The following OR14I1 variants were observed in gnomAD, a reference collection of about 807,000 sequenced individuals.
OR14I1 encodes the protein olfactory receptor 14I1.
For synonymous variants in OR14I1, 118 were observed against 71.1 expected, an observed-to-expected ratio of 1.66 and a Z score of -3.32; for missense variants, 279 against 181.8, an observed-to-expected ratio of 1.53 and a Z score of -3.07.
chr1:248,683,889 G>A (rs539557082), upstream of OR14I1, among the ~76,000 whole-genome samples: 1 of 152,262 alleles, frequency 6.6e-6, no homozygotes, highest in African/African-American at 2.4e-5. Context: ...CAAAATAGCT[G>A]AGCGTGGTGG....
At chr1:248,688,389 T>C in the OR14I1 span, among the ~76,000 whole-genome samples, 5 of 152,254 alleles carry the variant, frequency 3.3e-5, no homozygotes, top group African/African-American at 4.8e-5. Context: ...GGGATGTAAA[T>C]TTCTCTTACA....
At chr1:248,684,045 C>A (rs2387771), upstream of OR14I1, among the ~76,000 whole-genome samples, 134,183 of 151,912 alleles carry the variant, frequency 0.88, 61,598 homozygotes, top group East Asian at 1. Flanking sequence ...AAAGGAAAAA[C>A]AAAAAGAATT....
chr1:248,689,641 C>A, the OR14I1 span, among the ~76,000 whole-genome samples: 1 of 152,042 alleles, frequency 6.6e-6, no homozygotes, highest in Non-Finnish European at 1.5e-5. Flanking sequence ...CTTCTAACAC[C>A]AAATAGTTAA....
chr1:248,701,013 G>A, the OR14I1 span, among the ~76,000 whole-genome samples: 1,053 of 152,204 alleles, frequency 6.9e-3, 7 homozygotes, highest in Middle Eastern at 0.034. Context: ...ATGTTTTCTC[G>A]TTGATGCTAC....
the OR14I1 span, among the ~76,000 whole-genome samples, chr1:248,687,705 G>A: frequency 1.3e-5 from 2 of 152,240 alleles, no homozygotes; most frequent in Non-Finnish European, 2.9e-5. Flanking sequence ...CTGCCCAGCA[G>A]TGTGAACAAG....
chr1:248,701,890 AAAG>A, the OR14I1 span, among the ~76,000 whole-genome samples: 4 of 152,322 alleles, frequency 2.6e-5, no homozygotes, highest in South Asian at 2.1e-4. Flanking sequence ...TTTATAAAGA[AAAG>A]AAGTTTAATT....
chr1:248,686,121 T>C (rs893679351), upstream of OR14I1, among the ~76,000 whole-genome samples: 3 of 152,182 alleles, frequency 2.0e-5, no homozygotes, highest in African/African-American at 7.2e-5. Context: ...CCGTAAAGCA[T>C]ATTGAATTAA....
chr1:248,693,894 CT>C, the OR14I1 span, among the ~76,000 whole-genome samples: 3,098 of 142,556 alleles, frequency 0.022, 114 homozygotes, highest in African/African-American at 0.077. Flanking sequence ...AAGTCCAGAA[CT>C]TTTTAAAAAA....
chr1:248,692,949 G>C, the OR14I1 span, among the ~76,000 whole-genome samples: 2 of 152,186 alleles, frequency 1.3e-5, no homozygotes, highest in Admixed American at 1.3e-4. Flanking sequence ...TGTGGGGAGA[G>C]AAAATGTTCA....
chr1:248,685,323 T>A (rs1661631954), upstream of OR14I1, among the ~76,000 whole-genome samples: 1 of 152,214 alleles, frequency 6.6e-6, no homozygotes, highest in Non-Finnish European at 1.5e-5. Flanking sequence ...GGGTTTTTGT[T>A]CTGACTTTTT....
the OR14I1 span, among the ~76,000 whole-genome samples, chr1:248,694,112 GAA>G: frequency 6.6e-6 from 1 of 152,156 alleles, no homozygotes; most frequent in East Asian, 1.9e-4. Context: ...GGGAGTGGGA[GAA>G]AGTGATACTT....
At chr1:248,684,134 G>A (rs1253225388), upstream of OR14I1, among the ~76,000 whole-genome samples, 4 of 152,154 alleles carry the variant, frequency 2.6e-5, no homozygotes, top group Non-Finnish European at 4.4e-5. Flanking sequence ...CCTGATAAAC[G>A]ACAAACTATA....
chr1:248,701,619 GAC>G, the OR14I1 span, among the ~76,000 whole-genome samples: 1 of 152,104 alleles, frequency 6.6e-6, no homozygotes, highest in Non-Finnish European at 1.5e-5. Context: ...ATACTGAGTG[GAC>G]ACAGAGTTAG....
chr1:248,700,370 A>G, the OR14I1 span, among the ~76,000 whole-genome samples: 1 of 152,242 alleles, frequency 6.6e-6, no homozygotes, highest in Non-Finnish European at 1.5e-5. Flanking sequence ...TCAAATGTCA[A>G]TTGATATAAA....
chr1:248,682,170 T>C (rs4575113), exon 1 of OR14I1: 751,759 of 780,886 alleles, frequency 0.96, 366,213 homozygotes, highest in East Asian at 1. Context: ...GAGTGATGAC[T>C]GCAATGATGA....
upstream of OR14I1, among the ~76,000 whole-genome samples, chr1:248,685,669 A>T (rs1661638687): frequency 1.3e-5 from 2 of 151,152 alleles, no homozygotes; most frequent in South Asian, 4.2e-4. Context: ...AGTTGTGTAT[A>T]TATAGTGCAT....
At chr1:248,681,388 A>G in exon 1 of OR14I1, 1 of 754,064 alleles carries the variant, frequency 1.3e-6, no homozygotes, top group South Asian at 1.4e-5. Flanking sequence ...CAGAAAATAT[A>G]TCTTCACAAA....
At chr1:248,695,187 T>C in the OR14I1 span, among the ~76,000 whole-genome samples, 353 of 152,178 alleles carry the variant, frequency 2.3e-3, no homozygotes, top group Middle Eastern at 6.8e-3. Context: ...AAAATTACTT[T>C]TTAAAGTGAT....
At chr1:248,684,620 G>A (rs1051047990), upstream of OR14I1, among the ~76,000 whole-genome samples, 1 of 152,072 alleles carries the variant, frequency 6.6e-6, no homozygotes, top group African/African-American at 2.4e-5. Flanking sequence ...AACTGAATGG[G>A]ATACTCTACA....
Sources: gnomAD v4.1 joint callset for allele counts (sites outside exome capture counted in the v4.1 genomes callset) on GRCh38, gnomAD v4.1.1 for gene constraint, MANE v1.5 for transcripts, NCBI Gene and HGNC (gene_info 2026-07-23, HGNC 2026-07-21) for gene names.